KCNIP1: variants seen among roughly 807,000 people sequenced by gnomAD.
KCNIP1 encodes the protein A-type potassium channel modulatory protein KCNIP1.
A neutral mutation model predicts 33.0 loss-of-function variants in KCNIP1; 18 were observed. That is an observed-to-expected ratio of 0.55 (90% CI 0.38 to 0.81). The LOEUF (loss-of-function observed/expected upper bound fraction) is 0.81, where lower values mean the gene tolerates loss of function less well. KCNIP1 is among the 30% of genes least tolerant of loss of function. The pLI is 0.00. For synonymous variants in KCNIP1, 93 were observed against 98.3 expected, an observed-to-expected ratio of 0.95 and a Z score of 0.32; for missense variants, 238 against 271.6, an observed-to-expected ratio of 0.88 and a Z score of 0.87.
chr5:170,369,793 A>T (rs752986090), intron 1 of KCNIP1, among the ~76,000 whole-genome samples: 6 of 152,204 alleles, frequency 3.9e-5, no homozygotes, highest in Non-Finnish European at 8.8e-5. Context: ...AAGCAATTTA[A>T]TTTCCAATTA....
chr5:170,420,446 T>C (rs912843477), intron 1 of KCNIP1: 2 of 150,846 alleles, frequency 1.3e-5, no homozygotes, highest in African/African-American at 4.9e-5. Context: ...GGCAGGAGAA[T>C]CACTTGAACC....
At chr5:170,732,285 G>T (rs770109200) in intron 5 of KCNIP1, among the ~76,000 whole-genome samples, 3 of 152,064 alleles carry the variant, frequency 2.0e-5, no homozygotes, top group Admixed American at 6.5e-5. Context: ...GAGTCCTAAG[G>T]TTCTCTGATT....
chr5:170,512,243 T>C (rs1045735207), intron 1 of KCNIP1, among the ~76,000 whole-genome samples: 5 of 152,262 alleles, frequency 3.3e-5, no homozygotes, highest in African/African-American at 1.2e-4. Flanking sequence ...ATGTTAGAAT[T>C]GCAAACGTTC....
intron 1 of KCNIP1, among the ~76,000 whole-genome samples, chr5:170,713,276 A>G (rs1048801141): frequency 2.6e-5 from 4 of 152,166 alleles, no homozygotes; most frequent in African/African-American, 7.2e-5. Context: ...TTTATTTCAT[A>G]TTTATTTCCT....
intron 1 of KCNIP1, among the ~76,000 whole-genome samples, chr5:170,438,605 C>T (rs991600583): frequency 1.3e-5 from 2 of 152,206 alleles, no homozygotes; most frequent in African/African-American, 4.8e-5. Flanking sequence ...CCAAGCCACT[C>T]GCCCAGCCCA....
rs558791523 is a variant in KCNIP1 at position 170,408,662 on chromosome 5, G to A, written c.88+54698G>A. On this transcript the variant is annotated intron_variant, in intron 1 of 7. Transcript: ENST00000377360. Reference sequence around the variant, plus strand: ...ATAGTTTGAGTGAAATGAAGGTGGTGGTTTGGGGTATTTGGTATTTCTTAT... The same window carrying A: ...ATAGTTTGAGTGAAATGAAGGTGGTAGTTTGGGGTATTTGGTATTTCTTAT... 3.3e-5 allele frequency among the ~76,000 whole-genome samples: 5 copies of A among 152,284 alleles called. No homozygotes were observed. In the East Asian group the frequency reaches 9.6e-4, roughly 29 times the overall value.
At chr5:170,612,524 C>T (rs1371153015) in intron 1 of KCNIP1, among the ~76,000 whole-genome samples, 1 of 152,196 alleles carries the variant, frequency 6.6e-6, no homozygotes, top group Non-Finnish European at 1.5e-5. Context: ...GCCAGCCAGT[C>T]TTCTGCCCGC....
At position 170,369,492 on chromosome 5, in the gene KCNIP1, T is replaced by C. The variant is rs367638698; in HGVS notation, c.88+15528T>C. Among the ~76,000 whole-genome samples the C allele has an allele frequency of 1.8e-4, 28 of 152,374 alleles. No homozygotes were observed. The South Asian group carries it at 2.9e-3, about 16-fold the overall frequency. On this transcript the variant is annotated intron_variant, in intron 1 of 7. Transcript: ENST00000377360. ...TTGGAAACTTTTCTTGCACGGTTCTTTTTCTGCCACTAGCCCTGGAAGCTG... is the reference window on the plus strand; with the variant it reads ...TTGGAAACTTTTCTTGCACGGTTCTCTTTCTGCCACTAGCCCTGGAAGCTG...
chr5:170,662,734 ACT>A (rs1761548782), intron 1 of KCNIP1, among the ~76,000 whole-genome samples: 1 of 151,816 alleles, frequency 6.6e-6, no homozygotes. Flanking sequence ...GGTCAGAAAC[ACT>A]CTCAGCATTT....
intron 1 of KCNIP1, among the ~76,000 whole-genome samples, chr5:170,505,553 A>C (rs13180654): frequency 6.6e-6 from 1 of 152,042 alleles, no homozygotes; most frequent in Admixed American, 6.5e-5. Flanking sequence ...AAATTCTACC[A>C]TCAGAGCCCC....
intron 1 of KCNIP1, among the ~76,000 whole-genome samples, chr5:170,594,482 G>A (rs982839036): frequency 6.6e-6 from 1 of 152,064 alleles, no homozygotes; most frequent in Non-Finnish European, 1.5e-5. Context: ...TGTGGGGCTG[G>A]CATGTTAGTG....
intron 1 of KCNIP1, among the ~76,000 whole-genome samples, chr5:170,362,925 C>A (rs1174529600): frequency 6.6e-6 from 1 of 152,200 alleles, no homozygotes; most frequent in Non-Finnish European, 1.5e-5. Context: ...GTCTCTAAGC[C>A]ATGAAGCATA....
intron 1 of KCNIP1, among the ~76,000 whole-genome samples, chr5:170,616,041 T>C (rs1759356165): frequency 6.6e-6 from 1 of 152,304 alleles, no homozygotes; most frequent in Admixed American, 6.5e-5. Flanking sequence ...AGAAATGTCA[T>C]GTCTACTTGA....
chr5:170,453,153 G>A (rs543457052), intron 1 of KCNIP1, among the ~76,000 whole-genome samples: 2 of 152,216 alleles, frequency 1.3e-5, no homozygotes, highest in South Asian at 4.2e-4. Flanking sequence ...CCAAATTGAC[G>A]ACTTGAAAGA....
At chr5:170,718,737 T>C in intron 1 of KCNIP1, 21 bp from the exon 2 acceptor site, 1 of 1,613,336 alleles carries the variant, frequency 6.2e-7, no homozygotes, top group Non-Finnish European at 8.5e-7. Context: ...ACCATTCCAA[T>C]GCCATCTCCT....
rs549588461 is a variant in KCNIP1, at chr5:170,712,708, T to C, written c.62-6050T>C. 1.4e-4 allele frequency: 114 copies of C among 795,166 alleles called. No homozygotes were observed. The East Asian group carries it at 2.8e-3, about 19-fold the overall frequency. 49.3% of individuals were successfully genotyped at this position (795,166 alleles called of 1,614,324 possible). A position where few individuals can be genotyped will look rare whatever the true frequency, so the allele number is the denominator to read the frequency against. On this transcript the variant is annotated intron_variant, in intron 1 of 7. Coordinates refer to ENST00000328939, the MANE Select transcript of KCNIP1 (RefSeq NM_014592.4). The stretch of plus-strand genomic sequence containing the variant: ...ATGGGAAAAGGACAGGGAGCTCAGC[T>C]CCAGCTCTGCTACTGAGAGGCTCTT...
chr5:170,371,187 C>T (rs1047894451), intron 1 of KCNIP1, among the ~76,000 whole-genome samples: 61 of 152,192 alleles, frequency 4.0e-4, no homozygotes, highest in African/African-American at 1.3e-3. Context: ...TCCAGTTGGG[C>T]GTGTGATGAG....
chr5:170,716,873 A>G (rs1206381415), intron 1 of KCNIP1, among the ~76,000 whole-genome samples: 1 of 152,262 alleles, frequency 6.6e-6, no homozygotes, highest in African/African-American at 2.4e-5. Flanking sequence ...TCTGGCTAAG[A>G]TAAATCTAAC....
In KCNIP1 at chr5:170,568,896, C is replaced by T. The variant is rs538953423; in HGVS notation, c.61+64263C>T. Among the ~76,000 whole-genome samples the T allele has an allele frequency of 9.2e-5, 14 of 152,210 alleles. No homozygotes were observed. In the South Asian group the frequency reaches 1.0e-3, roughly 11 times the overall value. On this transcript the variant is annotated intron_variant, in intron 1 of 7. Transcript: ENST00000328939. ...AATTCTGGTTCTGGCCCTTTCTCTG[C>T]GGCTACCCAGGCTTGTGTTTTCATC...
Sources: allele counts gnomAD v4.1 joint callset (sites outside exome capture counted in the v4.1 genomes callset), GRCh38; gene constraint gnomAD v4.1.1; transcripts MANE v1.5; gene names NCBI Gene and HGNC (gene_info 2026-07-23, HGNC 2026-07-21).